PEPD: variants seen among roughly 807,000 people sequenced by gnomAD.
PEPD encodes the protein xaa-Pro dipeptidase.
PEPD carries 53 observed loss-of-function variants against 60.7 expected under a neutral mutation model. The observed-to-expected ratio is 0.87, with a 90% CI of 0.70 to 1.10. PEPD has a LOEUF of 1.10. Among genes scored for constraint, PEPD ranks in the 50% least tolerant of loss-of-function variants. The pLI is 0.00. For missense variants in PEPD, 711 were observed against 711.9 expected, an observed-to-expected ratio of 1.00 and a Z score of 0.01; for synonymous variants, 267 against 284.1, an observed-to-expected ratio of 0.94 and a Z score of 0.60.
chr19:33,469,811 C>T (rs117221337), intron 7 of PEPD, among the ~76,000 whole-genome samples: 5 of 152,182 alleles, frequency 3.3e-5, no homozygotes, highest in East Asian at 3.9e-4. Context: ...GCAGCTTTTG[C>T]GTTCTATTTT....
intron 9 of PEPD, among the ~76,000 whole-genome samples, chr19:33,416,152 C>G (rs12978742): frequency 1.3e-5 from 2 of 152,152 alleles, no homozygotes; most frequent in Non-Finnish European, 2.9e-5. Flanking sequence ...ATGCTTGATG[C>G]GGACGCAACG....
intron 5 of PEPD, among the ~76,000 whole-genome samples, chr19:33,492,626 C>A (rs184633711): frequency 6.6e-6 from 1 of 152,200 alleles, no homozygotes; most frequent in Non-Finnish European, 1.5e-5. Context: ...AATACCAGAT[C>A]TGATTTGTTC....
intron 11 of PEPD, among the ~76,000 whole-genome samples, chr19:33,410,435 G>A (rs1019514831): frequency 2.6e-5 from 4 of 152,216 alleles, no homozygotes; most frequent in Non-Finnish European, 5.9e-5. Context: ...TGGGCAGCTG[G>A]TTGTCTGTCC....
chr19:33,465,767 C>T (rs1970008637), intron 7 of PEPD, among the ~76,000 whole-genome samples: 1 of 152,048 alleles, frequency 6.6e-6, no homozygotes, highest in South Asian at 2.1e-4. Context: ...TGTCAAAGAG[C>T]GCATGACCCA....
At chr19:33,438,073 G>A (rs1969413655) in intron 9 of PEPD, among the ~76,000 whole-genome samples, 1 of 152,220 alleles carries the variant, frequency 6.6e-6, no homozygotes, top group East Asian at 1.9e-4. Flanking sequence ...CTGGGCTCCT[G>A]GAAGTAGCCC....
At chr19:33,390,544 G>C (rs1237685460) in intron 13 of PEPD, among the ~76,000 whole-genome samples, 1 of 152,194 alleles carries the variant, frequency 6.6e-6, no homozygotes, top group South Asian at 2.1e-4. Flanking sequence ...GCCCCAGGGC[G>C]TGCACGATTG....
rs1968122627 is a variant in PEPD, at chr19:33,388,076, C to T, written c.1158G>A (p.Val386=). ...VHDVGGYPEG[V]ERIDEPGLRS... ...GCAGGCCGGGCTCGTCGATGCGCTC[C>T]ACGCCCTGTGGGGAACAGAGGTGAG... The change falls in exon 14 of 15, where the codon GTG becomes GTA. Residue 386 remains valine, a synonymous_variant. Transcript: ENST00000244137. 6.5e-7 allele frequency: 1 copy of T among 1,547,716 alleles called. No homozygotes were observed.
intron 12 of PEPD, among the ~76,000 whole-genome samples, chr19:33,398,700 C>T (rs1428974662): frequency 6.6e-6 from 1 of 152,228 alleles, no homozygotes; most frequent in Non-Finnish European, 1.5e-5. Context: ...GAGTGGCGCC[C>T]CTGGGCGACT....
chr19:33,509,477 A>G (rs543837412), intron 3 of PEPD, among the ~76,000 whole-genome samples: 58 of 152,326 alleles, frequency 3.8e-4, no homozygotes, highest in African/African-American at 1.4e-3. Context: ...AGACAGCAGG[A>G]GCAGCACACA....
chr19:33,512,615 T>A lies in PEPD; in HGVS notation c.179A>T (p.Asp60Val). Residue 60 changes from aspartate to valine, a missense_variant, in exon 2 of 15, where the codon GAC becomes GTC. By Grantham distance (152) the Asp-to-Val change is radical (BLOSUM62 -3). Transcript: ENST00000244137. ...CACCTGGCGGAAGAGGACCCCGGTG[T>A]CGGTGCAGTAGCGCTGAGTCTCCTC... ...GGEETQRYCT[D>V]TGVLFRQESF... 6.2e-7 allele frequency: 1 copy of A among 1,613,840 alleles called. No homozygotes were observed. The highest frequency in any genetic ancestry group is 8.5e-7 in the Non-Finnish European group (1 of 1,179,954).
chr19:33,437,696 G>A (rs1003704466), intron 9 of PEPD, among the ~76,000 whole-genome samples: 5 of 152,190 alleles, frequency 3.3e-5, no homozygotes, highest in East Asian at 1.9e-4. Flanking sequence ...CAGAGAGCCC[G>A]TTGGAATAAA....
At chr19:33,479,476 A>G (rs1404622751) in intron 6 of PEPD, among the ~76,000 whole-genome samples, 3 of 151,880 alleles carry the variant, frequency 2.0e-5, no homozygotes, top group Non-Finnish European at 4.4e-5. Flanking sequence ...AACTTGTGTA[A>G]TGGGGCTTTG....
chr19:33,402,069 C>A (rs1246242510), intron 11 of PEPD, among the ~76,000 whole-genome samples, 200 bp from the exon 12 acceptor site: 1 of 152,180 alleles, frequency 6.6e-6, no homozygotes, highest in East Asian at 1.9e-4. Flanking sequence ...CCGAAGCCAT[C>A]CTGGAAGACC....
At chr19:33,473,821 T>A (rs1970169306) in intron 7 of PEPD, among the ~76,000 whole-genome samples, 1 of 152,102 alleles carries the variant, frequency 6.6e-6, no homozygotes, top group South Asian at 2.1e-4. Context: ...AGAAAAGAAA[T>A]TATCCAGTTA....
At chr19:33,433,646 G>A (rs920103341) in intron 9 of PEPD, among the ~76,000 whole-genome samples, 20 of 152,282 alleles carry the variant, frequency 1.3e-4, no homozygotes, top group Admixed American at 5.2e-4. Context: ...TAATAGACTC[G>A]ATATTCAGGT....
chr19:33,463,584 A>G (rs544782734), intron 8 of PEPD, among the ~76,000 whole-genome samples: 1 of 152,332 alleles, frequency 6.6e-6, no homozygotes, highest in Non-Finnish European at 1.5e-5. Flanking sequence ...GAAGGTTTGG[A>G]AGAGAAATTT....
chr19:33,451,970 G>A (rs561128473), intron 9 of PEPD, among the ~76,000 whole-genome samples: 39 of 152,208 alleles, frequency 2.6e-4, no homozygotes, highest in African/African-American at 8.2e-4. Flanking sequence ...ACAAAAATAG[G>A]GGAGGGGGCA....
intron 4 of PEPD, among the ~76,000 whole-genome samples, chr19:33,495,023 C>G (rs1249863095): frequency 6.6e-6 from 1 of 151,940 alleles, no homozygotes; most frequent in African/African-American, 2.4e-5. Context: ...GTAGTCCCAG[C>G]TACTCAGGAG....
chr19:33,515,114 G>A (rs1282443390), intron 1 of PEPD, among the ~76,000 whole-genome samples: 2 of 152,196 alleles, frequency 1.3e-5, no homozygotes, highest in African/African-American at 4.8e-5. Flanking sequence ...CTCGGTCACT[G>A]CCGTGCCCTC....
Sources: allele counts gnomAD v4.1 joint callset (sites outside exome capture counted in the v4.1 genomes callset), GRCh38; gene constraint gnomAD v4.1.1; transcripts MANE v1.5; gene names NCBI Gene and HGNC (gene_info 2026-07-23, HGNC 2026-07-21).